NAA35: variants seen among roughly 807,000 people sequenced by gnomAD.
NAA35 encodes N-alpha-acetyltransferase 35, NatC auxiliary subunit, also known as MAK10 homolog, amino-acid N-acetyltransferase subunit.
A neutral mutation model predicts 101.7 loss-of-function variants in NAA35; 18 were observed. The observed-to-expected ratio is 0.18, with a 90% CI of 0.12 to 0.26. The LOEUF is 0.26. Ranked by LOEUF, NAA35 falls within the 10% of genes least tolerant of loss-of-function variation. The pLI is 1.00. For synonymous variants in NAA35, 267 were observed against 273.1 expected (o/e 0.98, Z 0.22); for missense variants, 601 against 886.8 (o/e 0.68, Z 4.09).
At chr9:86,016,792 G>A in intron 18 of NAA35, 117 bp downstream of exon 18, 1 of 1,020,076 alleles carries the variant, frequency 9.8e-7, no homozygotes, top group East Asian at 2.6e-5. Context: ...CCTCTTTTCA[G>A]AAACTATAAG....
At chr9:85,950,684 C>G (rs73491323) in intron 2 of NAA35, among the ~76,000 whole-genome samples, 20,792 of 152,144 alleles carry the variant, frequency 0.14, 3,788 homozygotes, top group African/African-American at 0.4. Flanking sequence ...TTGGTACCCA[C>G]ATTTACCCTA....
At chr9:85,955,463 C>T (rs894591945) in intron 2 of NAA35, among the ~76,000 whole-genome samples, 11 of 144,588 alleles carry the variant, frequency 7.6e-5, no homozygotes, top group East Asian at 2.2e-4. Flanking sequence ...CCTTGGTTCA[C>T]GCCATTCTCC....
At chr9:85,945,740 C>T (rs181564624) in intron 2 of NAA35, among the ~76,000 whole-genome samples, 1 of 151,980 alleles carries the variant, frequency 6.6e-6, no homozygotes, top group Admixed American at 6.6e-5. Context: ...AGGATGGTCT[C>T]GATCTCCTGA....
Position 85,996,553 on chromosome 9 carries a change from T to C in NAA35, c.1032T>C (p.Asn344=), listed in dbSNP as rs1261725416. 12 of 1,583,108 alleles carry C rather than the reference T, an allele frequency of 7.6e-6. No individual in the cohort carries two copies. Among genetic ancestry groups the C allele is most frequent in the Non-Finnish European group, 1.0e-5 (12 of 1,171,062 alleles). ...DRIKTVCEVV[N]LTNLHCILDF... The stretch of plus-strand genomic sequence containing the variant: ...TAAAAACTGTCTGTGAGGTTGTGAA[T>C]TTAACAAATTTACATTGTATCCTGG... Residue 344 remains asparagine (N), a synonymous_variant, in exon 12 of 23, where the codon AAT becomes AAC. Transcript: ENST00000361671.
At chr9:85,967,763 C>CT (rs1315806147) in intron 6 of NAA35, among the ~76,000 whole-genome samples, 5 of 151,356 alleles carry the variant, frequency 3.3e-5, no homozygotes, top group Admixed American at 2.0e-4. Context: ...GATCCTGCCA[C>CT]TGCACTCCAG....
intron 4 of NAA35, 134 bp from the exon 5 acceptor site, chr9:85,959,659 G>T (rs1829427829): frequency 1.7e-6 from 1 of 576,590 alleles, no homozygotes; most frequent in Non-Finnish European, 3.1e-6. Flanking sequence ...AGTTTTATCA[G>T]ATGATAAGAT....
intron 12 of NAA35, among the ~76,000 whole-genome samples, chr9:85,998,189 C>T (rs992592209): frequency 3.3e-5 from 5 of 152,144 alleles, no homozygotes; most frequent in Admixed American, 2.6e-4. Context: ...GCTGGGATTA[C>T]AGGCATGAGC....
rs568567419 is a variant in NAA35 at position 85,961,827 on chromosome 9, A to G, written c.349-186A>G. Among the ~76,000 whole-genome samples the G allele has an allele frequency of 3.3e-4, 51 of 152,300 alleles. 1 individual carries two copies. The highest frequency in any genetic ancestry group is 2.1e-4 in the South Asian group (1 of 4,830). The stretch of plus-strand genomic sequence containing the variant: ...GTTGCAAACTGATTGATGTACGACA[A>G]TGATTCCCATAGACACTTGAAAAAT... On this transcript the variant is annotated intron_variant, in intron 5 of 22. Transcript: ENST00000361671.
chr9:86,000,565 T>G (rs767680421), intron 12 of NAA35, among the ~76,000 whole-genome samples: 5 of 152,076 alleles, frequency 3.3e-5, no homozygotes, highest in Non-Finnish European at 5.9e-5. Flanking sequence ...TATTACTGAT[T>G]CAGTTTTGGA....
At chr9:85,965,440 C>T (rs950434334) in intron 6 of NAA35, among the ~76,000 whole-genome samples, 3 of 152,098 alleles carry the variant, frequency 2.0e-5, no homozygotes, top group African/African-American at 7.2e-5. Flanking sequence ...CCAGCCTAGG[C>T]AACATATCCA....
At chr9:86,019,238 C>G (rs1832398052) in intron 21 of NAA35, among the ~76,000 whole-genome samples, 1 of 151,974 alleles carries the variant, frequency 6.6e-6, no homozygotes, top group African/African-American at 2.4e-5. Context: ...GTGGGTGGAT[C>G]ACCTTAGGTC....
intron 16 of NAA35, 62 bp downstream of exon 16, chr9:86,013,206 TA>T: frequency 3.9e-6 from 4 of 1,012,880 alleles, no homozygotes; most frequent in African/African-American, 1.6e-5. Flanking sequence ...TCCAGATTTT[TA>T]AAAACAATAA....
intron 13 of NAA35, among the ~76,000 whole-genome samples, chr9:86,006,226 G>A (rs558002525): frequency 7.9e-4 from 120 of 152,238 alleles, no homozygotes; most frequent in Middle Eastern, 3.4e-3. Context: ...TTGGTGATAG[G>A]AATGTAATGT....
chr9:86,008,312 T>C (rs1302600636), intron 14 of NAA35, among the ~76,000 whole-genome samples: 1 of 152,204 alleles, frequency 6.6e-6, no homozygotes, highest in Non-Finnish European at 1.5e-5. Context: ...TCTGCCCACC[T>C]TGGCCTCCCA....
intron 6 of NAA35, among the ~76,000 whole-genome samples, chr9:85,974,463 G>GT (rs1027186143): frequency 2.6e-5 from 4 of 152,126 alleles, no homozygotes; most frequent in African/African-American, 4.8e-5. Context: ...GAATGACTCA[G>GT]TTTTTTTCCT....
intron 6 of NAA35, among the ~76,000 whole-genome samples, chr9:85,974,329 C>G (rs560861685): frequency 6.6e-6 from 1 of 152,102 alleles, no homozygotes; most frequent in Non-Finnish European, 1.5e-5. Context: ...ACTTGTTAAT[C>G]AAATCAGCCA....
intron 8 of NAA35, among the ~76,000 whole-genome samples, chr9:85,975,830 A>G (rs1310879686): frequency 6.6e-6 from 1 of 152,164 alleles, no homozygotes; most frequent in Non-Finnish European, 1.5e-5. Flanking sequence ...TGTATCTTTA[A>G]TAGCTGGTAC....
At chr9:85,987,323 AT>A (rs1372961606) in intron 11 of NAA35, among the ~76,000 whole-genome samples, 1 of 152,230 alleles carries the variant, frequency 6.6e-6, no homozygotes, top group African/African-American at 2.4e-5. Flanking sequence ...ATGATGGTAC[AT>A]TATCTGTGAT....
chr9:85,941,686 G>C lies in NAA35; in HGVS notation c.-6+413G>C, dbSNP rs570919246. On this transcript the variant is annotated intron_variant, in intron 1 of 22. Transcript: ENST00000361671. Reference sequence around the variant, plus strand: ...CATTGCTCCCGGCGAGGTTCTGCCTGGGTCCGGGCCGGCTCTGGCCCGGGA... The same window carrying C: ...CATTGCTCCCGGCGAGGTTCTGCCTCGGTCCGGGCCGGCTCTGGCCCGGGA... 3.3e-5 allele frequency: 33 copies of C among 986,348 alleles called. No homozygotes were observed. In the African/African-American group the frequency reaches 5.4e-4, roughly 16 times the overall value. 61.1% of individuals were successfully genotyped at this position (986,348 alleles called of 1,614,324 possible).
Sources: allele counts gnomAD v4.1 joint callset (sites outside exome capture counted in the v4.1 genomes callset), GRCh38; gene constraint gnomAD v4.1.1; transcripts MANE v1.5; gene names NCBI Gene and HGNC (gene_info 2026-07-23, HGNC 2026-07-21).